Variants in ACTR10 observed in about 807,000 individuals in gnomAD.
ACTR10 encodes the protein actin-related protein 10.
In ACTR10, 43 loss-of-function variants were observed where a neutral mutation model predicts 56.2. The ratio of observed to expected loss-of-function variants is 0.77; its 90% confidence interval spans 0.60 to 0.99. The LOEUF (loss-of-function observed/expected upper bound fraction) is 0.99. Ranked by LOEUF, ACTR10 falls within the 50% of genes least tolerant of loss-of-function variation. ACTR10 has a pLI of 0.00. For synonymous variants in ACTR10, 170 were observed against 176.3 expected, an observed-to-expected ratio of 0.96 and a Z score of 0.28; for missense variants, 466 against 507.8, an observed-to-expected ratio of 0.92 and a Z score of 0.79.
chr14:58,224,526 C>T (rs1306396558), intron 10 of ACTR10, among the ~76,000 whole-genome samples: 2 of 151,782 alleles, frequency 1.3e-5, no homozygotes, highest in Admixed American at 6.6e-5. Flanking sequence ...GGATTACAGG[C>T]GTGAGCCACC....
intron 1 of ACTR10, 88 bp from the exon 2 acceptor site, chr14:58,202,766 GT>G (rs929245470): frequency 6.5e-6 from 6 of 922,110 alleles, no homozygotes; most frequent in African/African-American, 1.7e-5. Flanking sequence ...TGTGGCCATT[GT>G]TTTGAAACAA....
chr14:58,212,853 C>T (rs1889036107), intron 5 of ACTR10, among the ~76,000 whole-genome samples: 1 of 152,198 alleles, frequency 6.6e-6, no homozygotes, highest in African/African-American at 2.4e-5. Context: ...TGCCGTGGCT[C>T]ACACATGTAA....
At chr14:58,221,309 G>T (rs1284227778) in intron 8 of ACTR10, among the ~76,000 whole-genome samples, 1 of 140,894 alleles carries the variant, frequency 7.1e-6, no homozygotes, top group Non-Finnish European at 1.6e-5. Flanking sequence ...AAAAATATAT[G>T]CAGGCTGGGT....
chr14:58,221,280 TA>T (rs35943337), intron 8 of ACTR10, among the ~76,000 whole-genome samples: 9,986 of 108,248 alleles, frequency 0.092, 454 homozygotes, highest in African/African-American at 0.12. Flanking sequence ...AGACTCTGTC[TA>T]AAAAAAAAAA....
chr14:58,210,829 A>C (rs891206515), intron 4 of ACTR10, among the ~76,000 whole-genome samples: 3 of 151,890 alleles, frequency 2.0e-5, no homozygotes, highest in African/African-American at 7.3e-5. Flanking sequence ...CAGATGCCAC[A>C]ACACCCAGCT....
At chr14:58,201,445 A>AT (rs1055992276) in intron 1 of ACTR10, among the ~76,000 whole-genome samples, 1 of 152,218 alleles carries the variant, frequency 6.6e-6, no homozygotes, top group African/African-American at 2.4e-5. Flanking sequence ...AGTAAAAAAA[A>AT]GGAATTGAAG....
intron 8 of ACTR10, among the ~76,000 whole-genome samples, chr14:58,222,764 G>GAAAAA (rs58412717): frequency 3.9e-5 from 3 of 76,340 alleles, no homozygotes; most frequent in South Asian, 4.9e-4. Flanking sequence ...GACTCTGTCA[G>GAAAAA]AAAAAAAAAA....
chr14:58,228,842 C>T (rs569366640), intron 10 of ACTR10, among the ~76,000 whole-genome samples: 3 of 151,586 alleles, frequency 2.0e-5, no homozygotes, highest in Non-Finnish European at 4.4e-5. Context: ...TTGCATCTGG[C>T]CAAAGGCTGG....
At chr14:58,215,607 T>C (rs1889115811) in intron 7 of ACTR10, among the ~76,000 whole-genome samples, 1 of 152,086 alleles carries the variant, frequency 6.6e-6, no homozygotes, top group Non-Finnish European at 1.5e-5. Context: ...TGCTCTTGCT[T>C]TCTCTACTTG....
chr14:58,208,357 TAAGC>T (rs1160793077), intron 3 of ACTR10, among the ~76,000 whole-genome samples: 4 of 152,098 alleles, frequency 2.6e-5, no homozygotes, highest in Non-Finnish European at 4.4e-5. Context: ...ATAAGTGAAA[TAAGC>T]AAGTTAAAGA....
At position 58,211,346 on chromosome 14, in the gene ACTR10, A is replaced by G. The variant is rs755685616; in HGVS notation, c.397A>G (p.Ile133Val). The G allele has an allele frequency of 5.0e-6, 8 of 1,613,748 alleles. No individual in the cohort carries two copies. The highest frequency in any genetic ancestry group is 1.3e-5 in the African/African-American group (1 of 74,918). ...TCTAATGGCTCTTCTGACGCTTGGAATTAATTCTGCCATGGTCCTAGATTG... is the reference window on the plus strand; with the variant it reads ...TCTAATGGCTCTTCTGACGCTTGGAGTTAATTCTGCCATGGTCCTAGATTG... ...SHLMALLTLG[I>V]NSAMVLDCGY... Residue 133 changes from isoleucine (I) to valine (V), a missense_variant, in exon 5 of 13, where the codon ATT (isoleucine) becomes GTT (valine). Coordinates refer to ENST00000254286, the MANE Select transcript of ACTR10 (RefSeq NM_018477.3).
chr14:58,230,380 CTT>C lies in ACTR10; in HGVS notation c.789-15_789-14del, dbSNP rs757649767. The C allele has an allele frequency of 4.7e-6, 7 of 1,492,792 alleles. No individual in the cohort carries two copies. The East Asian group carries it at 1.6e-4, about 35-fold the overall frequency. The allele number at this position is 1,492,792 out of a possible 1,614,324, so 92.5% of individuals were successfully genotyped here. A position where few individuals can be genotyped will look rare whatever the true frequency, so the allele number is the denominator to read the frequency against. ...ATACGTGACACCAACAGAAAGCTCT[CTT>C]TTTCAAATCCCATTAGAGATTCAGT... On this transcript the variant is annotated splice_polypyrimidine_tract_variant and intron_variant, in intron 10 of 12. Transcript: ENST00000254286.
intron 12 of ACTR10, among the ~76,000 whole-genome samples, chr14:58,232,936 T>C (rs965783334): frequency 7.9e-5 from 12 of 150,970 alleles, no homozygotes; most frequent in Admixed American, 7.3e-4. Context: ...TATAGCGTGA[T>C]CCCAGCTCAC....
chr14:58,209,158 A>G, intron 4 of ACTR10, 51 bp downstream of exon 4: 1 of 1,317,190 alleles, frequency 7.6e-7, no homozygotes, highest in Non-Finnish European at 1.1e-6. Flanking sequence ...TAAAAAGAGA[A>G]GCAATAAAAT....
chr14:58,200,278 G>C lies in ACTR10; in HGVS notation c.61G>C (p.Gly21Arg). The C allele has an allele frequency of 1.3e-6, 2 of 1,511,416 alleles. No individual in the cohort carries two copies. The highest frequency in any genetic ancestry group is 1.8e-6 in the Non-Finnish European group (2 of 1,135,722). The allele number at this position is 1,511,416 out of a possible 1,614,324, so 93.6% of individuals were successfully genotyped here. A position where few individuals can be genotyped will look rare whatever the true frequency, so the allele number is the denominator to read the frequency against. Residue 21 changes from glycine to arginine, a missense_variant, in exon 1 of 13, where the codon GGA (glycine) becomes CGA (arginine). Transcript: ENST00000254286. ...GAAGACGGCGGTCGTGATCGACCTG[G>C]GAGAGGCCTTTACCAAGTGAGTGGC... is the stretch of plus-strand genomic sequence containing the variant. ...GEKTAVVIDL[G>R]EAFTKCGFAG...
intron 4 of ACTR10, among the ~76,000 whole-genome samples, chr14:58,210,327 AACTGC>A (rs1888962200): frequency 6.6e-6 from 1 of 152,066 alleles, no homozygotes; most frequent in African/African-American, 2.4e-5. Flanking sequence ...GTTTAATTTT[AACTGC>A]CAGTTACAGT....
chr14:58,213,179 T>A (rs1298053805), intron 5 of ACTR10: 1 of 152,452 alleles, frequency 6.6e-6, no homozygotes, highest in Non-Finnish European at 1.5e-5. Context: ...AAAGATGAAA[T>A]TAATAGTATA....
intron 2 of ACTR10, among the ~76,000 whole-genome samples, chr14:58,205,881 G>T (rs1040603457): frequency 6.6e-6 from 1 of 151,846 alleles, no homozygotes; most frequent in Non-Finnish European, 1.5e-5. Context: ...TATTAGCCAG[G>T]TGTAGTGGCA....
chr14:58,211,528 A>G (rs533856931), intron 5 of ACTR10, 129 bp downstream of exon 5: 8 of 626,840 alleles, frequency 1.3e-5, no homozygotes, highest in South Asian at 1.1e-4. Context: ...ATGAATTACA[A>G]TGTGGAAAAA....
Sources: allele counts gnomAD v4.1 joint callset (sites outside exome capture counted in the v4.1 genomes callset), GRCh38; gene constraint gnomAD v4.1.1; transcripts MANE v1.5; gene names NCBI Gene and HGNC (gene_info 2026-07-23, HGNC 2026-07-21).